Variants in FEZ2 observed in about 807,000 individuals in gnomAD.
FEZ2 encodes fasciculation and elongation protein zeta 2.
Under a neutral mutation model 40.4 loss-of-function variants are expected in FEZ2, and 51 were observed. The ratio of observed to expected loss-of-function variants is 1.26; its 90% confidence interval spans 1.01 to 1.59. The LOEUF is 1.59. Among genes scored for constraint, FEZ2 ranks in the 40% most tolerant of loss-of-function variants. The pLI is 0.00. For missense variants in FEZ2, 640 were observed against 438.3 expected (o/e 1.46, Z -4.11); for synonymous variants, 242 against 172.0 (o/e 1.41, Z -3.18).
chr2:36,558,358 C>G, intron 6 of FEZ2, 80 bp downstream of exon 6: 2 of 822,316 alleles, frequency 2.4e-6, no homozygotes, highest in Non-Finnish European at 3.7e-6. Flanking sequence ...ACACTAACAA[C>G]AAAATCAGCC....
At position 36,578,813 on chromosome 2, in the gene FEZ2, C is replaced by T. The variant is rs1221083980; in HGVS notation, c.687G>A (p.Glu229=). 1 of 1,613,328 alleles carries T rather than the reference C, an allele frequency of 6.2e-7. No individual in the cohort carries two copies. The highest frequency in any genetic ancestry group is 8.5e-7 in the Non-Finnish European group (1 of 1,179,718). ...SELNEILEEI[E]TAIKEYSEEL... The stretch of plus-strand genomic sequence containing the variant: ...CCTCAGAGTACTCCTTAATGGCAGT[C>T]TCAATTTCTTCCAGGATTTCATTTA... Residue 229 remains glutamate (E), a synonymous_variant, in exon 5 of 8, where the codon GAG becomes GAA. Coordinates refer to ENST00000405912, the MANE Select transcript of FEZ2 (RefSeq NM_005102.3).
Position 36,597,891 on chromosome 2 carries a change from G to A in FEZ2, c.252C>T (p.Leu84=), listed in dbSNP as rs1218748870. The change falls in exon 1 of 8, where the codon CTC becomes CTT. Residue 84 remains leucine, a synonymous_variant. Coordinates refer to ENST00000405912, the MANE Select transcript of FEZ2 (RefSeq NM_005102.3). The part of the protein sequence containing the change: ...TAVRPITERS[L]LQGDEIWNAL... ...CCCGCACTCACTCGTCCCCCTGCAG[G>A]AGGCTGCGCTCCGTGATGGGCCGCA... 14 of 1,383,964 alleles carry A rather than the reference G, an allele frequency of 1.0e-5. No individual in the cohort carries two copies. The highest frequency in any genetic ancestry group is 1.3e-5 in the Non-Finnish European group (14 of 1,075,994). The allele number at this position is 1,383,964 out of a possible 1,614,324, so 85.7% of individuals were successfully genotyped here. A position where few individuals can be genotyped will look rare whatever the true frequency, so the allele number is the denominator to read the frequency against.
intron 2 of FEZ2, chr2:36,590,692 T>TA (rs1669045615): frequency 2.1e-6 from 1 of 475,216 alleles, no homozygotes; most frequent in South Asian, 3.7e-5. Context: ...TAGCTACACA[T>TA]AAAAAATGAG....
rs17435052 is a variant in FEZ2, at chr2:36,560,541, T to C, written c.904-2028A>G. Among the ~76,000 whole-genome samples, 1,051 of 152,358 alleles carry C rather than the reference T, an allele frequency of 6.9e-3. 10 individuals are homozygous for C. The highest frequency in any genetic ancestry group is 0.027 in the Middle Eastern group (8 of 294). ...TTTGTTTAAAACTAAGAGTGAAAAATGGAGCTATAAAACACGTCTTAAGAA... is the reference window on the plus strand; with the variant it reads ...TTTGTTTAAAACTAAGAGTGAAAAACGGAGCTATAAAACACGTCTTAAGAA... On this transcript the variant is annotated intron_variant, in intron 5 of 7. Transcript: ENST00000405912.
At chr2:36,597,820 G>A in intron 1 of FEZ2, 57 bp downstream of exon 1, 3 of 1,264,744 alleles carry the variant, frequency 2.4e-6, no homozygotes, top group East Asian at 3.2e-5. Context: ...AGGGCTGCCG[G>A]TCGGGCGAGG....
chr2:36,566,019 G>A (rs1012263032), intron 5 of FEZ2, among the ~76,000 whole-genome samples: 3 of 152,090 alleles, frequency 2.0e-5, no homozygotes, highest in African/African-American at 7.2e-5. Context: ...GCAACCCATG[G>A]GCAGCACATT....
intron 1 of FEZ2, among the ~76,000 whole-genome samples, chr2:36,593,314 C>T (rs1430608690): frequency 6.6e-6 from 1 of 152,066 alleles, no homozygotes; most frequent in Non-Finnish European, 1.5e-5. Context: ...CACAACCCCA[C>T]TAGGCAGTGC....
rs747479386 is a variant in FEZ2 at position 36,552,976 on chromosome 2, A to G, written c.*187T>C. On this transcript the variant is annotated 3_prime_UTR_variant, in exon 8 of 8. Coordinates refer to ENST00000405912, the MANE Select transcript of FEZ2 (RefSeq NM_005102.3). ...ACAAAAACCATCTCTAGAATTCAAA[A>G]TAGTGCCCATATTTCCGTTGGTTCT... The G allele has an allele frequency of 3.7e-6, 2 of 538,592 alleles. No individual in the cohort carries two copies. The highest frequency in any genetic ancestry group is 1.9e-5 in the African/African-American group (1 of 51,916). The allele number at this position is 538,592 out of a possible 1,614,324, so 33.4% of individuals were successfully genotyped here. A position where few individuals can be genotyped will look rare whatever the true frequency, so the allele number is the denominator to read the frequency against.
chr2:36,573,798 G>T (rs564499673), intron 5 of FEZ2, among the ~76,000 whole-genome samples: 1 of 152,338 alleles, frequency 6.6e-6, no homozygotes, highest in Admixed American at 6.5e-5. Context: ...ATGGTCAACA[G>T]ATCAAACCCA....
At chr2:36,579,133 A>ATGC in intron 4 of FEZ2, 1 of 402,464 alleles carries the variant, frequency 2.5e-6, no homozygotes, top group Non-Finnish European at 4.4e-6. Context: ...TTACTTGTGC[A>ATGC]AATAAATCAT....
At chr2:36,560,986 A>G in intron 5 of FEZ2, 1 of 536,856 alleles carries the variant, frequency 1.9e-6, no homozygotes. Flanking sequence ...AAATGCCACT[A>G]CTCATCCAGA....
chr2:36,572,925 T>C (rs1037928442), intron 5 of FEZ2, among the ~76,000 whole-genome samples: 10 of 152,258 alleles, frequency 6.6e-5, no homozygotes, highest in African/African-American at 2.4e-4. Flanking sequence ...TCCCCCATCC[T>C]TCAGCAATTC....
At chr2:36,554,484 G>T (rs927146647) in intron 7 of FEZ2, among the ~76,000 whole-genome samples, 1 of 151,902 alleles carries the variant, frequency 6.6e-6, no homozygotes, top group Admixed American at 6.6e-5. Flanking sequence ...CTAGAAGAAC[G>T]AACCTCAGAA....
intron 7 of FEZ2, chr2:36,554,155 T>TA (rs1156824571): frequency 4.3e-6 from 2 of 469,572 alleles, no homozygotes; most frequent in Non-Finnish European, 8.8e-6. Context: ...ACAGTATAGA[T>TA]AGAACTGGGC....
rs1163401544 is a variant in FEZ2 at position 36,583,363 on chromosome 2, G to A, written c.482C>T (p.Thr161Met). ...VSCVNDEPLF[T>M]ADQVIEEIEE... Reference sequence around the variant, plus strand: ...GGATCTCCTCTATACCTGGTCTGCCGTGAAGAGGGGTTCATCATTAACACA... The same window carrying A: ...GGATCTCCTCTATACCTGGTCTGCCATGAAGAGGGGTTCATCATTAACACA... Residue 161 changes from threonine to methionine, a missense_variant, in exon 3 of 8, where the codon ACG becomes ATG. Thr to Met is a moderately conservative substitution (Grantham distance 81, BLOSUM62 -1). Coordinates refer to ENST00000405912, the MANE Select transcript of FEZ2 (RefSeq NM_005102.3). 14 of 1,563,616 alleles carry A rather than the reference G, an allele frequency of 9.0e-6. No homozygotes were observed. The highest frequency in any genetic ancestry group is 3.3e-5 in the Admixed American group (2 of 59,944).
intron 1 of FEZ2, among the ~76,000 whole-genome samples, chr2:36,594,800 ACAAGGCTATAAG>A (rs1669166516): frequency 6.6e-6 from 1 of 152,214 alleles, no homozygotes; most frequent in Non-Finnish European, 1.5e-5. Flanking sequence ...TCCTTCTTAA[ACAAGGCTATAAG>A]AAAAAGGCAA....
At chr2:36,577,934 T>A (rs1668623905) in intron 5 of FEZ2, among the ~76,000 whole-genome samples, 2 of 152,196 alleles carry the variant, frequency 1.3e-5, no homozygotes, top group Non-Finnish European at 2.9e-5. Flanking sequence ...AAAACCAACA[T>A]TTCTTCACAC....
At chr2:36,553,318 T>G in intron 7 of FEZ2, 139 bp from the exon 8 acceptor site, 1 of 676,438 alleles carries the variant, frequency 1.5e-6, no homozygotes, top group South Asian at 2.0e-5. Context: ...TAGCAATTTT[T>G]TAAAGGTTTT....
At chr2:36,556,053 C>G (rs1275148195) in intron 6 of FEZ2, 3 of 531,192 alleles carry the variant, frequency 5.6e-6, no homozygotes, top group Admixed American at 2.3e-5. Flanking sequence ...TTACAAGGAG[C>G]CTTCGCTCTG....
Sources: gnomAD v4.1 joint callset for allele counts (sites outside exome capture counted in the v4.1 genomes callset) on GRCh38, gnomAD v4.1.1 for gene constraint, MANE v1.5 for transcripts, NCBI Gene and HGNC (gene_info 2026-07-23, HGNC 2026-07-21) for gene names.